The following ABCA12 variants were observed in gnomAD, a reference collection of about 807,000 sequenced individuals.
ABCA12 encodes the protein glucosylceramide transporter ABCA12.
Under a neutral mutation model 293.5 loss-of-function variants are expected in ABCA12, and 156 were observed. The ratio of observed to expected loss-of-function variants is 0.53; its 90% confidence interval spans 0.47 to 0.61. ABCA12 has a LOEUF of 0.61. Ranked by LOEUF, ABCA12 falls within the 20% of genes least tolerant of loss-of-function variation. ABCA12 has a pLI of 0.00. For missense variants in ABCA12, 2,797 were observed against 3,090.2 expected, an observed-to-expected ratio of 0.91 and a Z score of 2.25; for synonymous variants, 1,063 against 1,108.0, an observed-to-expected ratio of 0.96 and a Z score of 0.81.
chr2:215,068,671 C>G (rs1283905966), intron 2 of ABCA12, among the ~76,000 whole-genome samples: 1 of 152,062 alleles, frequency 6.6e-6, no homozygotes, highest in South Asian at 2.1e-4. Flanking sequence ...TTTTCACTCA[C>G]TACTTCCTCT....
chr2:215,127,509 T>C (rs1249510379), intron 1 of ABCA12, among the ~76,000 whole-genome samples: 1 of 152,200 alleles, frequency 6.6e-6, no homozygotes, highest in East Asian at 1.9e-4. Flanking sequence ...GAATGTGATA[T>C]TCTCCTCTTG....
At chr2:215,064,324 T>C in intron 2 of ABCA12, 105 bp from the exon 3 acceptor site, 2 of 1,220,168 alleles carry the variant, frequency 1.6e-6, no homozygotes, top group South Asian at 2.6e-5. Context: ...GGATTACCAC[T>C]CTCCGGGTCC....
chr2:214,992,448 G>GA lies in ABCA12; in HGVS notation c.3295-1418dup, dbSNP rs1175814251. Among the ~76,000 whole-genome samples the GA allele has an allele frequency of 9.4e-3, 339 of 36,246 alleles. 1 individual carries two copies. The highest frequency in any genetic ancestry group is 0.026 in the African/African-American group (248 of 9,528). 23.8% of individuals were successfully genotyped at this position (36,246 alleles called of 152,430 possible). On this transcript the variant is annotated intron_variant, in intron 23 of 52. Coordinates refer to ENST00000272895, the MANE Select transcript of ABCA12 (RefSeq NM_173076.3). ...ACAGAGCAAGACTCTGTCTCAAAAA[G>GA]AAAAAAAAAAAATGAAAAAAAAAAA... is the stretch of plus-strand genomic sequence containing the variant.
chr2:215,100,012 CTCTCTT>C (rs1458972370), intron 2 of ABCA12, among the ~76,000 whole-genome samples: 4 of 141,786 alleles, frequency 2.8e-5, no homozygotes, highest in African/African-American at 1.1e-4. Flanking sequence ...CTCTCTCTCT[CTCTCTT>C]TTTTTTTTTT....
intron 31 of ABCA12, 144 bp from the exon 32 acceptor site, chr2:214,979,184 T>A: frequency 1.3e-6 from 1 of 753,388 alleles, no homozygotes. Flanking sequence ...TAGAGACCCC[T>A]TTGCCACTTG....
intron 2 of ABCA12, among the ~76,000 whole-genome samples, chr2:215,092,951 G>A (rs915823315): frequency 1.3e-5 from 2 of 152,140 alleles, no homozygotes; most frequent in African/African-American, 4.8e-5. Flanking sequence ...ACTGCCACAA[G>A]GCTTCAGGGA....
At chr2:215,046,081 GT>G in intron 6 of ABCA12, 66 bp from the exon 7 acceptor site, 1 of 1,511,396 alleles carries the variant, frequency 6.6e-7, no homozygotes, top group Non-Finnish European at 9.1e-7. Flanking sequence ...ATGGTTTGCT[GT>G]TTTTAAAAGC....
intron 14 of ABCA12, among the ~76,000 whole-genome samples, chr2:215,016,043 C>T (rs1355416166): frequency 4.0e-5 from 6 of 151,340 alleles, no homozygotes; most frequent in South Asian, 2.1e-4. Context: ...ACTCGGGAGG[C>T]GGAGGCAGGA....
intron 7 of ABCA12, among the ~76,000 whole-genome samples, chr2:215,038,777 A>G (rs999950666): frequency 6.6e-6 from 1 of 152,218 alleles, no homozygotes; most frequent in African/African-American, 2.4e-5. Context: ...TGACAATCTC[A>G]TTAAATCTTT....
chr2:214,974,755 A>G (rs759976542), intron 35 of ABCA12, 23 bp downstream of exon 35: 11 of 1,612,240 alleles, frequency 6.8e-6, no homozygotes, highest in East Asian at 4.5e-5. Flanking sequence ...AAAACAAAAA[A>G]TAGAAGAGCA....
chr2:214,958,475 A>G, intron 40 of ABCA12, 21 bp from the exon 41 acceptor site: 1 of 1,612,462 alleles, frequency 6.2e-7, no homozygotes, highest in Non-Finnish European at 8.5e-7. Flanking sequence ...CAATAGGGAG[A>G]GGAAAACACA....
At position 215,012,089 on chromosome 2, in the gene ABCA12, T is replaced by C; in HGVS notation, c.2003A>G (p.Glu668Gly). ...KDQKPVEKMM[E>G]LFIRLKEILN... ...AATCTCTTTTAGTCTTATGAAGAGC[T>C]CCATCATCTTTTCTACTGGCTTTTG... Residue 668 changes from glutamate (E) to glycine (G), a missense_variant, in exon 16 of 53, where the codon GAG (glutamate) becomes GGG (glycine). Physicochemically the swap from Glu to Gly is moderately conservative, Grantham distance 98. Coordinates refer to ENST00000272895, the MANE Select transcript of ABCA12 (RefSeq NM_173076.3). The C allele has an allele frequency of 6.2e-7, 1 of 1,613,942 alleles. No homozygotes were observed. Among genetic ancestry groups the C allele is most frequent in the Non-Finnish European group, 8.5e-7 (1 of 1,179,876 alleles).
rs10187711 is a variant in ABCA12 at position 214,978,191 on chromosome 2, T to G, written c.5128+125A>C. On this transcript the variant is annotated intron_variant, in intron 33 of 52. Coordinates refer to ENST00000272895, the MANE Select transcript of ABCA12 (RefSeq NM_173076.3). ...CTTAAAAAAGGAGGCTTAAATTTCC[T>G]TAGTGTTTTTTGAATTTAGAATGAA... 3,584 of 1,121,234 alleles carry G rather than the reference T, an allele frequency of 3.2e-3. 84 individuals carry two copies. The African/African-American group carries it at 0.051, about 16-fold the overall frequency. The allele number at this position is 1,121,234 out of a possible 1,614,324, so 69.5% of individuals were successfully genotyped here.
intron 1 of ABCA12, among the ~76,000 whole-genome samples, chr2:215,130,656 A>C (rs1216450327): frequency 1.3e-5 from 2 of 152,164 alleles, no homozygotes; most frequent in Middle Eastern, 3.4e-3. Flanking sequence ...TAGGTATATG[A>C]TCATGGCATA....
At chr2:214,951,188 C>T in intron 44 of ABCA12, 105 bp from the exon 45 acceptor site, 14 of 978,928 alleles carry the variant, frequency 1.4e-5, no homozygotes, top group Non-Finnish European at 2.3e-5. Flanking sequence ...TACTAGTCAT[C>T]ATTAGACTTC....
intron 1 of ABCA12, among the ~76,000 whole-genome samples, chr2:215,133,742 C>T (rs766376890): frequency 1.1e-4 from 17 of 152,188 alleles, no homozygotes; most frequent in Non-Finnish European, 2.2e-4. Context: ...TTTGGCAATA[C>T]AATTGAGAAC....
intron 2 of ABCA12, among the ~76,000 whole-genome samples, chr2:215,067,751 T>A (rs1249723848): frequency 6.6e-6 from 1 of 152,146 alleles, no homozygotes; most frequent in Non-Finnish European, 1.5e-5. Context: ...TCTCATTGAA[T>A]GGATACAGTC....
chr2:214,953,774 T>A, intron 44 of ABCA12, 80 bp downstream of exon 44: 1 of 1,546,170 alleles, frequency 6.5e-7, no homozygotes, highest in Non-Finnish European at 8.8e-7. Context: ...ATGGAAAAGC[T>A]TAGACTATTG....
At position 214,980,509 on chromosome 2, in the gene ABCA12, A is replaced by G; in HGVS notation, c.4714T>C (p.Tyr1572His). The G allele has an allele frequency of 1.2e-6, 2 of 1,613,810 alleles. No individual in the cohort carries two copies. The highest frequency in any genetic ancestry group is 1.7e-6 in the Non-Finnish European group (2 of 1,179,972). Residue 1572 changes from tyrosine to histidine, a missense_variant, in exon 31 of 53, where the codon TAT (tyrosine) becomes CAT (histidine). This residue lies in a region of ABCA12 where 2,130 missense variants were observed against 2,427.0 expected (regional missense o/e 0.88). Coordinates refer to ENST00000272895, the MANE Select transcript of ABCA12 (RefSeq NM_173076.3). ...TTCTTCTTGGTAAGCGTGAGGTGAT[A>G]CCCATCGCCAAAGGCTTCCTTGAGG... ...FYLKEAFGDG[Y>H]HLTLTKKKSP...
Sources: allele counts gnomAD v4.1 joint callset (sites outside exome capture counted in the v4.1 genomes callset), GRCh38; gene constraint gnomAD v4.1.1; regional missense constraint gnomAD v4.1.1; transcripts MANE v1.5; gene names NCBI Gene and HGNC (gene_info 2026-07-23, HGNC 2026-07-21).